ADGRB3: variants seen among roughly 807,000 people sequenced by gnomAD.
ADGRB3 encodes the protein brain-specific angiogenesis inhibitor 3.
Under a neutral mutation model 193.4 loss-of-function variants are expected in ADGRB3, and 37 were observed. That is an observed-to-expected ratio of 0.19 (90% CI 0.15 to 0.25). The LOEUF is 0.25. Ranked by LOEUF, ADGRB3 falls within the 10% of genes least tolerant of loss-of-function variation. The pLI is 1.00. For synonymous variants in ADGRB3, 690 were observed against 644.2 expected (o/e 1.07, Z -1.08); for missense variants, 1,637 against 1,852.9 (o/e 0.88, Z 2.14).
chr6:68,839,986 C>A (rs1234572743), intron 3 of ADGRB3, among the ~76,000 whole-genome samples: 1 of 152,112 alleles, frequency 6.6e-6, no homozygotes, highest in Non-Finnish European at 1.5e-5. Context: ...CAGAAATTGG[C>A]AGGTGCCCAT....
intron 17 of ADGRB3, among the ~76,000 whole-genome samples, chr6:69,084,687 T>TG: frequency 6.6e-6 from 1 of 152,162 alleles, no homozygotes; most frequent in South Asian, 2.1e-4. Context: ...AAAATTTGCA[T>TG]CAAATTTTTA....
intron 15 of ADGRB3, among the ~76,000 whole-genome samples, chr6:69,060,031 A>T (rs565627890): frequency 5.1e-4 from 78 of 152,064 alleles, no homozygotes; most frequent in Non-Finnish European, 8.8e-4. Context: ...GAATTGATGG[A>T]TGCTTTCGTA....
chr6:69,080,303 T>C (rs935631394), intron 17 of ADGRB3, among the ~76,000 whole-genome samples: 1 of 152,068 alleles, frequency 6.6e-6, no homozygotes, highest in Non-Finnish European at 1.5e-5. Flanking sequence ...AAAAATATGT[T>C]CCTCTTAGAA....
chr6:68,794,502 A>G lies in ADGRB3; in HGVS notation c.758-136057A>G, dbSNP rs537241706. On this transcript the variant is annotated intron_variant, in intron 3 of 31. Coordinates refer to ENST00000370598, the MANE Select transcript of ADGRB3 (RefSeq NM_001704.3). The stretch of plus-strand genomic sequence containing the variant: ...AATTTATGCTGTGGTAATAACTGTA[A>G]CATATTGAGCTTATATTATATACCA... Among the ~76,000 whole-genome samples the G allele has an allele frequency of 2.2e-4, 33 of 152,288 alleles. No individual in the cohort carries two copies. In the South Asian group the frequency reaches 6.6e-3, roughly 31 times the overall value.
intron 20 of ADGRB3, among the ~76,000 whole-genome samples, chr6:69,241,510 G>A (rs1465255502): frequency 6.6e-6 from 1 of 151,896 alleles, no homozygotes; most frequent in Non-Finnish European, 1.5e-5. Context: ...CTAAATGCCA[G>A]CTATATTCAG....
chr6:69,333,690 C>T (rs972335854), intron 24 of ADGRB3, among the ~76,000 whole-genome samples: 2 of 150,758 alleles, frequency 1.3e-5, no homozygotes, highest in African/African-American at 4.9e-5. Flanking sequence ...TGGCTGACAC[C>T]TGTAATCCCA....
chr6:69,343,902 T>C (rs1373433127), intron 26 of ADGRB3, among the ~76,000 whole-genome samples: 1 of 152,208 alleles, frequency 6.6e-6, no homozygotes, highest in Non-Finnish European at 1.5e-5. Context: ...TGGAATTTAT[T>C]TGAATTAAAC....
At chr6:68,875,528 C>T (rs1472942791) in intron 3 of ADGRB3, among the ~76,000 whole-genome samples, 1 of 151,628 alleles carries the variant, frequency 6.6e-6, no homozygotes, top group African/African-American at 2.4e-5. Flanking sequence ...AATTTTAGTA[C>T]TGGACTTTTC....
intron 8 of ADGRB3, among the ~76,000 whole-genome samples, chr6:68,963,881 T>C (rs945528): frequency 0.64 from 97,385 of 152,000 alleles, 31,414 homozygotes; most frequent in Middle Eastern, 0.79. Flanking sequence ...AATTCCAGCT[T>C]ATTGCAGATG....
intron 3 of ADGRB3, among the ~76,000 whole-genome samples, chr6:68,823,452 T>C (rs1767784684): frequency 6.6e-6 from 1 of 152,042 alleles, no homozygotes; most frequent in African/African-American, 2.4e-5. Context: ...ACTAATATTC[T>C]ATTATTTATT....
rs972228421 is a variant in ADGRB3 at position 69,199,440 on chromosome 6, A to T, written c.2481-33850A>T. On this transcript the variant is annotated intron_variant, in intron 17 of 31. Coordinates refer to ENST00000370598, the MANE Select transcript of ADGRB3 (RefSeq NM_001704.3). ...AATACCATTATGAAAATTAAATGAG[A>T]TAACTCATTTAAAGCACTAGAGTTC... is the stretch of plus-strand genomic sequence containing the variant. Among the ~76,000 whole-genome samples the T allele has an allele frequency of 2.6e-5, 4 of 152,230 alleles. No individual in the cohort carries two copies. The South Asian group carries it at 6.2e-4, about 24-fold the overall frequency.
chr6:69,252,000 C>T (rs1456719910), intron 20 of ADGRB3, among the ~76,000 whole-genome samples: 2 of 152,082 alleles, frequency 1.3e-5, no homozygotes, highest in Non-Finnish European at 2.9e-5. Context: ...TAACCAATAC[C>T]TGATCAAGAT....
intron 26 of ADGRB3, among the ~76,000 whole-genome samples, chr6:69,346,974 A>T (rs1227422997): frequency 6.6e-6 from 1 of 152,226 alleles, no homozygotes; most frequent in Non-Finnish European, 1.5e-5. Context: ...CCCATCAATG[A>T]TAGAATGGAT....
chr6:68,741,732 G>A (rs560552950), intron 3 of ADGRB3, among the ~76,000 whole-genome samples: 1 of 152,306 alleles, frequency 6.6e-6, no homozygotes, highest in East Asian at 1.9e-4. Context: ...CATAAGTATA[G>A]AAGAGTAATC....
chr6:68,744,321 C>G (rs140308051), intron 3 of ADGRB3, among the ~76,000 whole-genome samples: 1 of 152,192 alleles, frequency 6.6e-6, no homozygotes, highest in East Asian at 1.9e-4. Context: ...TTGTGGAAGA[C>G]AGTGTGGCAA....
At chr6:69,294,861 GT>G (rs1406672340) in intron 20 of ADGRB3, among the ~76,000 whole-genome samples, 2 of 152,070 alleles carry the variant, frequency 1.3e-5, no homozygotes. Flanking sequence ...AAATAAGATT[GT>G]GTGTTTTGAA....
chr6:69,006,717 A>T (rs1215370707), intron 11 of ADGRB3, among the ~76,000 whole-genome samples: 1 of 151,960 alleles, frequency 6.6e-6, no homozygotes, highest in African/African-American at 2.4e-5. Flanking sequence ...CATGTTGGCC[A>T]GGCTGGTCTT....
chr6:68,740,327 G>A (rs1395498649), intron 3 of ADGRB3, among the ~76,000 whole-genome samples: 1 of 152,192 alleles, frequency 6.6e-6, no homozygotes, highest in Non-Finnish European at 1.5e-5. Context: ...GGAGGCTAAG[G>A]CAGCAAGATC....
chr6:68,792,249 G>T (rs1400706694), intron 3 of ADGRB3, among the ~76,000 whole-genome samples: 2 of 152,126 alleles, frequency 1.3e-5, no homozygotes. Context: ...TAATGGTCAG[G>T]AATCCACTTG....
Sources: allele counts gnomAD v4.1 joint callset (sites outside exome capture counted in the v4.1 genomes callset), GRCh38; gene constraint gnomAD v4.1.1; transcripts MANE v1.5; gene names NCBI Gene and HGNC (gene_info 2026-07-23, HGNC 2026-07-21).